Variants in NCKAP5 observed in about 807,000 individuals in gnomAD.
NCKAP5 encodes NCK associated protein 5, also known as nck-associated protein 5.
In NCKAP5, 92 loss-of-function variants were observed where a neutral mutation model predicts 167.0. The ratio of observed to expected loss-of-function variants is 0.55; its 90% CI spans 0.47 to 0.66. NCKAP5 has a LOEUF of 0.66. Ranked by LOEUF, NCKAP5 falls within the 30% of genes least tolerant of loss-of-function variation. The pLI is 0.00. For synonymous variants in NCKAP5, 891 were observed against 877.4 expected (o/e 1.02, Z -0.27); for missense variants, 2,378 against 2,315.0 (o/e 1.03, Z -0.56).
At chr2:133,006,429 C>T (rs550571321) in intron 6 of NCKAP5, among the ~76,000 whole-genome samples, 5 of 152,298 alleles carry the variant, frequency 3.3e-5, no homozygotes, top group Admixed American at 1.3e-4. Flanking sequence ...GGCTCTTCAT[C>T]AGATGGTTAC....
chr2:132,774,444 T>C (rs974761379), intron 15 of NCKAP5, among the ~76,000 whole-genome samples: 2 of 152,170 alleles, frequency 1.3e-5, no homozygotes, highest in African/African-American at 4.8e-5. Context: ...GTATGTATGA[T>C]CAGTGAACCA....
intron 11 of NCKAP5, among the ~76,000 whole-genome samples, chr2:132,804,332 C>A (rs902880004): frequency 6.6e-6 from 1 of 152,182 alleles, no homozygotes; most frequent in African/African-American, 2.4e-5. Flanking sequence ...CTAAGAGACA[C>A]AGAAGTGCCC....
chr2:133,634,864 T>A, the NCKAP5 span, among the ~76,000 whole-genome samples: 2 of 150,824 alleles, frequency 1.3e-5, no homozygotes, highest in South Asian at 4.2e-4. Flanking sequence ...TTATTTTCTT[T>A]CTTTTCTTTC....
In NCKAP5 at chr2:133,085,858, C is replaced by T. The variant is rs115868565; in HGVS notation, c.341+44120G>A. Reference sequence around the variant, plus strand: ...ACTAGAACCAGATGTCACTCCCTACCCTGGGGACAAGTAGATGAGAAAAGG... The same window carrying T: ...ACTAGAACCAGATGTCACTCCCTACTCTGGGGACAAGTAGATGAGAAAAGG... On this transcript the variant is annotated intron_variant, in intron 6 of 19. Coordinates refer to ENST00000409261, the MANE Select transcript of NCKAP5 (RefSeq NM_207363.3). Among the ~76,000 whole-genome samples, 261 of 152,184 alleles carry T rather than the reference C, an allele frequency of 1.7e-3. 1 individual carries two copies. Among genetic ancestry groups the T allele is most frequent in the Middle Eastern group, 6.8e-3 (2 of 292 alleles).
intron 6 of NCKAP5, among the ~76,000 whole-genome samples, chr2:133,072,727 A>G (rs1027421019): frequency 6.6e-6 from 1 of 152,256 alleles, no homozygotes; most frequent in African/African-American, 2.4e-5. Flanking sequence ...TGTTGCTTAT[A>G]GTTTGAAACA....
chr2:132,949,220 C>T (rs940380375), intron 8 of NCKAP5, among the ~76,000 whole-genome samples: 9 of 152,060 alleles, frequency 5.9e-5, no homozygotes, highest in Admixed American at 1.3e-4. Context: ...GCAATGAACA[C>T]GTCCTTATTT....
chr2:132,892,392 TA>T (rs1171359861), intron 8 of NCKAP5, among the ~76,000 whole-genome samples: 1 of 152,212 alleles, frequency 6.6e-6, no homozygotes, highest in Non-Finnish European at 1.5e-5. Context: ...AATTTCTTTG[TA>T]AAAACAACCT....
chr2:133,595,649 G>C, the NCKAP5 span, among the ~76,000 whole-genome samples: 1 of 151,930 alleles, frequency 6.6e-6, no homozygotes, highest in Admixed American at 6.6e-5. Context: ...AGAAGGACTT[G>C]TTCAGGTTTG....
intron 3 of NCKAP5, among the ~76,000 whole-genome samples, chr2:133,503,887 A>C (rs909485056): frequency 6.6e-6 from 1 of 152,240 alleles, no homozygotes; most frequent in African/African-American, 2.4e-5. Flanking sequence ...TCAAGAGTGA[A>C]GAAGGAAGAT....
intron 3 of NCKAP5, among the ~76,000 whole-genome samples, chr2:133,392,547 C>T (rs1470314204): frequency 6.6e-6 from 1 of 152,160 alleles, no homozygotes; most frequent in Non-Finnish European, 1.5e-5. Flanking sequence ...AAGGCAGTGA[C>T]TATAACTGTA....
At chr2:133,444,497 G>A (rs1691074773) in intron 3 of NCKAP5, among the ~76,000 whole-genome samples, 1 of 152,080 alleles carries the variant, frequency 6.6e-6, no homozygotes, top group South Asian at 2.1e-4. Flanking sequence ...GGGAAGTTGA[G>A]ACTTGGCTTG....
At chr2:133,337,759 G>C (rs1296027826) in intron 3 of NCKAP5, among the ~76,000 whole-genome samples, 1 of 152,184 alleles carries the variant, frequency 6.6e-6, no homozygotes, top group Non-Finnish European at 1.5e-5. Context: ...TTTCAGAATT[G>C]TAAGAAAATG....
intron 6 of NCKAP5, among the ~76,000 whole-genome samples, chr2:133,088,658 T>A (rs2081073962): frequency 6.6e-6 from 1 of 152,266 alleles, no homozygotes; most frequent in South Asian, 2.1e-4. Flanking sequence ...TTTACTATCC[T>A]GAAATGAAAT....
At chr2:133,403,047 C>A (rs1688199284) in intron 3 of NCKAP5, among the ~76,000 whole-genome samples, 1 of 152,178 alleles carries the variant, frequency 6.6e-6, no homozygotes, top group African/African-American at 2.4e-5. Context: ...TTCCCAAGCT[C>A]CAGGTGGCAC....
the NCKAP5 span, among the ~76,000 whole-genome samples, chr2:133,634,731 A>C: frequency 6.6e-6 from 1 of 152,234 alleles, no homozygotes; most frequent in Non-Finnish European, 1.5e-5. Flanking sequence ...GACAACCATT[A>C]AATTTGAATT....
At chr2:133,621,084 G>A in the NCKAP5 span, among the ~76,000 whole-genome samples, 2 of 152,050 alleles carry the variant, frequency 1.3e-5, no homozygotes, top group African/African-American at 4.8e-5. Flanking sequence ...CGATAATAGT[G>A]ACACAATCTA....
the NCKAP5 span, among the ~76,000 whole-genome samples, chr2:133,652,261 A>G: frequency 3.3e-5 from 5 of 152,224 alleles, no homozygotes; most frequent in African/African-American, 1.2e-4. Flanking sequence ...GGGAAAAAAT[A>G]TGTATTACTT....
intron 6 of NCKAP5, among the ~76,000 whole-genome samples, chr2:133,055,803 G>A (rs902722949): frequency 6.6e-6 from 1 of 152,118 alleles, no homozygotes; most frequent in African/African-American, 2.4e-5. Context: ...TGTCCTTTTG[G>A]TGAGTAATTC....
intron 8 of NCKAP5, among the ~76,000 whole-genome samples, chr2:132,882,985 G>A (rs142665009): frequency 7.4e-4 from 112 of 152,086 alleles, no homozygotes; most frequent in Middle Eastern, 6.8e-3. Flanking sequence ...TTGAGCCCAG[G>A]AGTTTGAGAC....
Sources: allele counts gnomAD v4.1 joint callset (sites outside exome capture counted in the v4.1 genomes callset), GRCh38; gene constraint gnomAD v4.1.1; transcripts MANE v1.5; gene names NCBI Gene and HGNC (gene_info 2026-07-23, HGNC 2026-07-21).